The following PRMT2 variants were observed in gnomAD, a reference collection of about 807,000 sequenced individuals.
The protein encoded by PRMT2 is protein arginine N-methyltransferase 2.
A neutral mutation model predicts 57.6 loss-of-function variants in PRMT2; 26 were observed. That is an observed-to-expected ratio of 0.45 (90% CI 0.33 to 0.63). The LOEUF is 0.63. Ranked by LOEUF, PRMT2 falls within the 20% of genes least tolerant of loss-of-function variation. The probability of loss-of-function intolerance (pLI) is 0.02; values close to 1 mark genes in which losing one functional copy is unlikely to be tolerated. For missense variants in PRMT2, 472 were observed against 564.4 expected, an observed-to-expected ratio of 0.84 and a Z score of 1.66; for synonymous variants, 219 against 220.0, an observed-to-expected ratio of 1.00 and a Z score of 0.04.
At chr21:46,644,584 C>T in intron 5 of PRMT2, 96 bp downstream of exon 5, 1 of 1,248,398 alleles carries the variant, frequency 8.0e-7, no homozygotes, top group Non-Finnish European at 1.1e-6. Context: ...CATAGTCTTA[C>T]AGGCCAGAGC....
rs923387909 is a variant in PRMT2 at position 46,644,615 on chromosome 21, G to C, written c.327+127G>C. On this transcript the variant is annotated intron_variant, in intron 5 of 11. Coordinates refer to ENST00000355680, the MANE Select transcript of PRMT2 (RefSeq NM_206962.4). ...AGAGCTCCTCTGTTGTAGCCACTCA[G>C]CTCTGACATGGTTGTGTGGAAGCCA... 11 of 900,730 alleles carry C rather than the reference G, an allele frequency of 1.2e-5. No individual in the cohort carries two copies. The African/African-American group carries it at 1.4e-4, about 11-fold the overall frequency. 55.8% of individuals were successfully genotyped at this position (900,730 alleles called of 1,614,324 possible).
Position 46,664,526 on chromosome 21 carries a change from G to A in PRMT2, c.*199G>A. ...CTTGGGCTCGGCAGGAGCTGCCGTG[G>A]CCACCCCCGCTGCCCAGTGTCTGCC... On this transcript the variant is annotated 3_prime_UTR_variant, in exon 12 of 12. Coordinates refer to ENST00000355680, the MANE Select transcript of PRMT2 (RefSeq NM_206962.4). 1.5e-6 allele frequency: 1 copy of A among 656,110 alleles called. No individual in the cohort carries two copies. Among genetic ancestry groups the A allele is most frequent in the East Asian group, 2.8e-5 (1 of 36,322 alleles). 40.6% of individuals were successfully genotyped at this position (656,110 alleles called of 1,614,324 possible).
intron 3 of PRMT2, 184 bp from the exon 4 acceptor site, chr21:46,643,348 AAAG>A: frequency 8.7e-7 from 1 of 1,154,950 alleles, no homozygotes; most frequent in Non-Finnish European, 1.1e-6. Context: ...TTTTTTTAGA[AAAG>A]AAATGTAGAG....
intron 5 of PRMT2, among the ~76,000 whole-genome samples, chr21:46,645,062 G>GA (rs2061338933): frequency 6.7e-6 from 1 of 149,222 alleles, no homozygotes; most frequent in South Asian, 2.1e-4. Context: ...AACATAGTGA[G>GA]AAAAAATAAA....
Position 46,649,866 on chromosome 21 carries a change from G to A in PRMT2, c.654+127G>A, listed in dbSNP as rs1426009483. 1.3e-6 allele frequency: 2 copies of A among 1,504,600 alleles called. No individual in the cohort carries two copies. Among genetic ancestry groups the A allele is most frequent in the Admixed American group, 2.1e-5 (1 of 47,112 alleles). The allele number at this position is 1,504,600 out of a possible 1,614,324, so 93.2% of individuals were successfully genotyped here. A position where few individuals can be genotyped will look rare whatever the true frequency, so the allele number is the denominator to read the frequency against. The stretch of plus-strand genomic sequence containing the variant: ...ATTTTGATGTTTTCCCTAATGTGAG[G>A]TCTAATTAATTTCTTGTGTGGACAT... On this transcript the variant is annotated intron_variant, in intron 7 of 11. Coordinates refer to ENST00000355680, the MANE Select transcript of PRMT2 (RefSeq NM_206962.4). This position sits in a 1 kb window ranked among gnomAD's most constrained non-coding sequence, Gnocchi z 4.8.
In PRMT2 at chr21:46,663,499, T is replaced by C; in HGVS notation, c.1214T>C (p.Met405Thr). Reference sequence around the variant, plus strand: ...AGAAACCCAGTGTGGAGAAGGCACATGTCTGTGGCTCTGAGCTGGGCTGTC... The same window carrying C: ...AGAAACCCAGTGTGGAGAAGGCACACGTCTGTGGCTCTGAGCTGGGCTGTC... ...LQRNPVWRRH[M>T]SVALSWAVTS... Residue 405 changes from methionine (M) to threonine (T), a missense_variant, in exon 11 of 12, where the codon ATG becomes ACG. Physicochemically the swap from Met to Thr is moderately conservative, Grantham distance 81. Transcript: ENST00000355680. 1 of 1,614,172 alleles carries C rather than the reference T, an allele frequency of 6.2e-7. No individual in the cohort carries two copies. The highest frequency in any genetic ancestry group is 1.3e-5 in the African/African-American group (1 of 75,050).
chr21:46,664,348 A>G lies in PRMT2; in HGVS notation c.*21A>G. The G allele has an allele frequency of 6.2e-7, 1 of 1,614,114 alleles. No homozygotes were observed. The highest frequency in any genetic ancestry group is 1.1e-5 in the South Asian group (1 of 91,088). ...GATGACAGTTGATGCTTTATTTGGA[A>G]AGCAGTGTGCATATCTTGAGGGGTG... On this transcript the variant is annotated 3_prime_UTR_variant, in exon 12 of 12. Transcript: ENST00000355680.
chr21:46,663,744 TGGA>T (rs924570439), intron 11 of PRMT2, among the ~76,000 whole-genome samples, 190 bp downstream of exon 11: 6 of 151,008 alleles, frequency 4.0e-5, no homozygotes, highest in African/African-American at 1.5e-4. Context: ...GCACGGGAAG[TGGA>T]GGGCTCTGGA....
rs2061682175 is a variant in PRMT2 at position 46,664,958 on chromosome 21, A to G, written c.*631A>G. 6.5e-6 allele frequency: 1 copy of G among 152,894 alleles called. No individual in the cohort carries two copies. Among genetic ancestry groups the G allele is most frequent in the African/African-American group, 2.4e-5 (1 of 41,446 alleles). 9.5% of individuals were successfully genotyped at this position (152,894 alleles called of 1,614,324 possible). A position where few individuals can be genotyped will look rare whatever the true frequency, so the allele number is the denominator to read the frequency against. On this transcript the variant is annotated 3_prime_UTR_variant, in exon 12 of 12. Transcript: ENST00000355680. Reference sequence around the variant, plus strand: ...TTTAAATGAGTGAATGTCATTGTGTATCCTGTTTTATGCATATATGTTATT... The same window carrying G: ...TTTAAATGAGTGAATGTCATTGTGTGTCCTGTTTTATGCATATATGTTATT...
At position 46,664,533 on chromosome 21, in the gene PRMT2, C is replaced by T. The variant is rs567452327; in HGVS notation, c.*206C>T. ...TCGGCAGGAGCTGCCGTGGCCACCC[C>T]CGCTGCCCAGTGTCTGCCCTCTAGA... On this transcript the variant is annotated 3_prime_UTR_variant, in exon 12 of 12. Transcript: ENST00000355680. 2.0e-5 allele frequency: 13 copies of T among 643,772 alleles called. No individual in the cohort carries two copies. The highest frequency in any genetic ancestry group is 3.6e-5 in the Non-Finnish European group (13 of 361,344). 39.9% of individuals were successfully genotyped at this position (643,772 alleles called of 1,614,324 possible).
intron 7 of PRMT2, chr21:46,654,112 G>A (rs117610848): frequency 0.09 from 88,892 of 985,294 alleles, 4,431 homozygotes; most frequent in Non-Finnish European, 0.099. Flanking sequence ...TGGACCCAGA[G>A]ACCAGGCACC....
At position 46,644,291 on chromosome 21, in the gene PRMT2, CT is replaced by C. The variant is rs747612379; in HGVS notation, c.145-5del. On this transcript the variant is annotated splice_polypyrimidine_tract_variant and intron_variant, in intron 4 of 11. Transcript: ENST00000355680. ...GACTGGTTTTCTTATTGAATTTTAA[CT>C]TTTTTTTTTCCAGCTCAGTTTTTTG... The C allele has an allele frequency of 5.2e-4, 763 of 1,472,574 alleles. 1 individual carries two copies. Among genetic ancestry groups the C allele is most frequent in the African/African-American group, 1.9e-3 (130 of 70,264 alleles). The allele number at this position is 1,472,574 out of a possible 1,614,324, so 91.2% of individuals were successfully genotyped here.
chr21:46,653,963 T>C, intron 7 of PRMT2: 1 of 1,007,768 alleles, frequency 9.9e-7, no homozygotes, highest in African/African-American at 1.8e-5. Flanking sequence ...GCGTGGAGCA[T>C]TTCCGAACTT....
Position 46,648,788 on chromosome 21 carries a change from TGCGTGGAGACC to T in PRMT2, c.489+175_489+185del, listed in dbSNP as rs1569155733. 1.3e-5 allele frequency among the ~76,000 whole-genome samples: 2 copies of T among 152,142 alleles called. No individual in the cohort carries two copies. The highest frequency in any genetic ancestry group is 4.8e-5 in the African/African-American group (2 of 41,428). On this transcript the variant is annotated intron_variant, in intron 6 of 11. Transcript: ENST00000355680. This position sits in a 1 kb window ranked among gnomAD's most constrained non-coding sequence, Gnocchi z 4.8. The stretch of plus-strand genomic sequence containing the variant: ...GGGCTCAGGGTCGGTAAAATAGCAG[TGCGTGGAGACC>T]GCGTGCTAGAGGCCGTGGCGCCCGC...
intron 8 of PRMT2, chr21:46,659,333 C>A: frequency 1.0e-6 from 1 of 990,672 alleles, no homozygotes; most frequent in Non-Finnish European, 1.2e-6. Flanking sequence ...AAATGAGCAG[C>A]AACAATGGAT....
intron 3 of PRMT2, among the ~76,000 whole-genome samples, chr21:46,639,356 G>T (rs1340852779): frequency 6.6e-6 from 1 of 152,086 alleles, no homozygotes; most frequent in African/African-American, 2.4e-5. Context: ...ATGTCATGAA[G>T]ATCAAATGTG....
chr21:46,642,941 T>C (rs1297297707), intron 3 of PRMT2, among the ~76,000 whole-genome samples: 3 of 152,042 alleles, frequency 2.0e-5, no homozygotes, highest in African/African-American at 7.3e-5. Context: ...TCAGAATCAC[T>C]TGAACCTGGG....
At chr21:46,658,985 G>A in intron 8 of PRMT2, 65 bp downstream of exon 8, 1 of 1,559,074 alleles carries the variant, frequency 6.4e-7, no homozygotes, top group Non-Finnish European at 8.7e-7. Context: ...TCTGCAGGTG[G>A]GCCAAGGCCC....
chr21:46,655,142 T>G (rs2061523790), intron 7 of PRMT2, among the ~76,000 whole-genome samples: 1 of 152,124 alleles, frequency 6.6e-6, no homozygotes, highest in South Asian at 2.1e-4. Context: ...ACACATTTAA[T>G]GAAGAAAAAA....
Sources: allele counts gnomAD v4.1 joint callset (sites outside exome capture counted in the v4.1 genomes callset), GRCh38; gene constraint gnomAD v4.1.1; non-coding constraint Gnocchi (gnomAD v3.1); transcripts MANE v1.5; gene names NCBI Gene and HGNC (gene_info 2026-07-23, HGNC 2026-07-21).